EXT2: variants seen among roughly 807,000 people sequenced by gnomAD.
The protein encoded by EXT2 is exostosin glycosyltransferase 2.
Under a neutral mutation model 81.6 loss-of-function variants are expected in EXT2, and 53 were observed. The ratio of observed to expected loss-of-function variants is 0.65; its 90% confidence interval spans 0.52 to 0.82. EXT2 has a LOEUF of 0.82. EXT2 is among the 40% of genes least tolerant of loss of function. The pLI is 0.00. For missense variants in EXT2, 774 were observed against 910.2 expected (o/e 0.85, Z 1.93); for synonymous variants, 320 against 340.0 (o/e 0.94, Z 0.65).
At chr11:44,218,665 G>A (rs1289251500) in intron 10 of EXT2, among the ~76,000 whole-genome samples, 1 of 152,008 alleles carries the variant, frequency 6.6e-6, no homozygotes, top group Non-Finnish European at 1.5e-5. Context: ...TGATGAGGGG[G>A]CCTCACTAAT....
rs115948531 is a variant in EXT2 at position 44,108,070 on chromosome 11, G to T, written c.358G>T (p.Val120Phe). The T allele has an allele frequency of 1.3e-5, 21 of 1,614,024 alleles. No homozygotes were observed. Among genetic ancestry groups the T allele is most frequent in the Non-Finnish European group, 1.8e-5 (21 of 1,180,038 alleles). The change falls in exon 2 of 14, where the codon GTC becomes TTC. Residue 120 changes from valine to phenylalanine, a missense_variant. Coordinates refer to ENST00000533608, the MANE Select transcript of EXT2 (RefSeq NM_207122.2). ...ALKKYVDDFG[V>F]SVSNTISREY... is the part of the protein sequence containing the mutation. ...GAAAAAGTACGTGGATGACTTTGGC[G>T]TCTCTGTCAGCAACACCATCTCCCG...
chr11:44,103,835 A>G (rs1049676894), intron 1 of EXT2: 3 of 230,512 alleles, frequency 1.3e-5, no homozygotes, highest in South Asian at 1.0e-4. Context: ...TCTTTTAAAT[A>G]TATGCAGCAT....
chr11:44,148,227 C>T (rs1326718214), intron 7 of EXT2, among the ~76,000 whole-genome samples: 2 of 152,128 alleles, frequency 1.3e-5, no homozygotes, highest in Non-Finnish European at 1.5e-5. Flanking sequence ...GACAACTACT[C>T]CCTAAATGTT....
At chr11:44,154,549 C>T (rs1269745646) in intron 7 of EXT2, among the ~76,000 whole-genome samples, 2 of 152,096 alleles carry the variant, frequency 1.3e-5, no homozygotes, top group Non-Finnish European at 2.9e-5. Context: ...TTGATGGACA[C>T]TTAGGTTGCT....
intron 7 of EXT2, among the ~76,000 whole-genome samples, chr11:44,134,916 C>A (rs1954543900): frequency 6.6e-6 from 1 of 152,234 alleles, no homozygotes; most frequent in South Asian, 2.1e-4. Context: ...TCTTTTCTCT[C>A]TAGCCTTTAA....
At chr11:44,180,075 C>G (rs947711792) in intron 8 of EXT2, among the ~76,000 whole-genome samples, 1 of 152,146 alleles carries the variant, frequency 6.6e-6, no homozygotes, top group Admixed American at 6.5e-5. Flanking sequence ...AATAGTGCGG[C>G]TTAAAAATTC....
At chr11:44,237,168 T>G (rs986143763) in intron 13 of EXT2, among the ~76,000 whole-genome samples, 6 of 152,104 alleles carry the variant, frequency 3.9e-5, no homozygotes, top group Non-Finnish European at 8.8e-5. Context: ...AGTAGCCTTT[T>G]AGAATGAAAT....
chr11:44,100,515 C>A (rs1401074576), intron 1 of EXT2, among the ~76,000 whole-genome samples: 1 of 152,088 alleles, frequency 6.6e-6, no homozygotes, highest in Non-Finnish European at 1.5e-5. Context: ...AGTGTATGGA[C>A]AATGGTAATG....
Position 44,172,127 on chromosome 11 carries a change from G to A in EXT2, c.1305+385G>A, listed in dbSNP as rs371384134. ...GTATTTTGAGTGCTTACTCTGCCAGGGACTGTGCTAAGTGCTTTACGTGTA... is the reference window on the plus strand; with the variant it reads ...GTATTTTGAGTGCTTACTCTGCCAGAGACTGTGCTAAGTGCTTTACGTGTA... On this transcript the variant is annotated intron_variant, in intron 8 of 13. Coordinates refer to ENST00000533608, the MANE Select transcript of EXT2 (RefSeq NM_207122.2). 7.2e-5 allele frequency among the ~76,000 whole-genome samples: 11 copies of A among 152,276 alleles called. No homozygotes were observed. The South Asian group carries it at 2.3e-3, about 32-fold the overall frequency.
intron 10 of EXT2, among the ~76,000 whole-genome samples, 171 bp downstream of exon 10, chr11:44,207,130 A>C (rs1422487934): frequency 6.6e-6 from 1 of 152,260 alleles, no homozygotes; most frequent in Non-Finnish European, 1.5e-5. Flanking sequence ...CTGTTCTTTG[A>C]AGCACTGGAG....
intron 2 of EXT2, 116 bp downstream of exon 2, chr11:44,108,364 C>T: frequency 1.8e-6 from 2 of 1,124,248 alleles, no homozygotes; most frequent in Non-Finnish European, 2.6e-6. Context: ...CCGATGCTGT[C>T]TTCTTGCAGG....
chr11:44,250,989 G>T lies in EXT2; in HGVS notation c.*6702G>T, dbSNP rs1342846678. 6.6e-6 allele frequency among the ~76,000 whole-genome samples: 1 copy of T among 152,186 alleles called. No homozygotes were observed. Among genetic ancestry groups the T allele is most frequent in the African/African-American group, 2.4e-5 (1 of 41,430 alleles). Reference sequence around the variant, plus strand: ...GATTTCCAATAGTCTTTCTCTAGTAGATCATTGGGGGCTCACCTTGATCTC... The same window carrying T: ...GATTTCCAATAGTCTTTCTCTAGTATATCATTGGGGGCTCACCTTGATCTC... On this transcript the variant is annotated 3_prime_UTR_variant, in exon 14 of 14. Transcript: ENST00000533608.
At chr11:44,177,020 T>C (rs929345550) in intron 8 of EXT2, among the ~76,000 whole-genome samples, 1 of 151,910 alleles carries the variant, frequency 6.6e-6, no homozygotes, top group Non-Finnish European at 1.5e-5. Context: ...GTCACTCTTA[T>C]CTGTAAAACT....
intron 10 of EXT2, among the ~76,000 whole-genome samples, chr11:44,231,595 G>T (rs1374414759): frequency 3.3e-5 from 5 of 152,184 alleles, no homozygotes; most frequent in South Asian, 2.1e-4. Flanking sequence ...CAGAAGTCTG[G>T]TGATGGTTGA....
At chr11:44,187,421 C>T (rs2135162525) in intron 8 of EXT2, among the ~76,000 whole-genome samples, 1 of 152,006 alleles carries the variant, frequency 6.6e-6, no homozygotes, top group East Asian at 1.9e-4. Flanking sequence ...AGCTCTTGAA[C>T]TCCTGGCCTC....
intron 7 of EXT2, among the ~76,000 whole-genome samples, chr11:44,148,978 G>C (rs1037582659): frequency 3.3e-5 from 5 of 152,166 alleles, no homozygotes; most frequent in Non-Finnish European, 5.9e-5. Context: ...ATTGTTTCTA[G>C]GTTGCTTGTC....
intron 1 of EXT2, among the ~76,000 whole-genome samples, chr11:44,101,381 T>G (rs1953979819): frequency 6.6e-6 from 1 of 152,180 alleles, no homozygotes; most frequent in African/African-American, 2.4e-5. Context: ...TATTTTTAGT[T>G]GTTACAGCTG....
rs755328418 is a variant in EXT2 at position 44,250,094 on chromosome 11, A to G, written c.*5807A>G. ...CAAAAGAGAAAATGTTGTCTTTGCC[A>G]GGCAGTGTGGTAGGCCCAAGAGATA... On this transcript the variant is annotated 3_prime_UTR_variant, in exon 14 of 14. Coordinates refer to ENST00000533608, the MANE Select transcript of EXT2 (RefSeq NM_207122.2). 3.9e-5 allele frequency among the ~76,000 whole-genome samples: 6 copies of G among 152,210 alleles called. No homozygotes were observed. The highest frequency in any genetic ancestry group is 8.8e-5 in the Non-Finnish European group (6 of 68,034).
intron 7 of EXT2, among the ~76,000 whole-genome samples, chr11:44,139,419 T>C (rs1306582253): frequency 1.3e-5 from 2 of 152,090 alleles, no homozygotes; most frequent in Non-Finnish European, 2.9e-5. Flanking sequence ...TACAGTCTAG[T>C]AAGTATAAGC....
Sources: gnomAD v4.1 joint callset for allele counts (sites outside exome capture counted in the v4.1 genomes callset) on GRCh38, gnomAD v4.1.1 for gene constraint, MANE v1.5 for transcripts, NCBI Gene and HGNC (gene_info 2026-07-23, HGNC 2026-07-21) for gene names.